The following ARSG variants were observed in gnomAD, a reference collection of about 807,000 sequenced individuals.
The protein encoded by ARSG is arylsulfatase G.
A neutral mutation model predicts 50.5 loss-of-function variants in ARSG; 37 were observed. The ratio of observed to expected loss-of-function variants is 0.73; its 90% CI spans 0.56 to 0.96. The LOEUF (loss-of-function observed/expected upper bound fraction) is 0.96, where lower values mean the gene tolerates loss of function less well. Among genes scored for constraint, ARSG ranks in the 50% least tolerant of loss-of-function variants. The probability of loss-of-function intolerance (pLI) is 0.00; values close to 1 mark genes in which losing one functional copy is unlikely to be tolerated. For synonymous variants in ARSG, 225 were observed against 254.6 expected (o/e 0.88, Z 1.11); for missense variants, 629 against 675.3 (o/e 0.93, Z 0.76).
the ARSG span, among the ~76,000 whole-genome samples, chr17:68,431,685 A>T: frequency 8.7e-5 from 1 of 11,488 alleles, no homozygotes; most frequent in Non-Finnish European, 1.9e-4. Context: ...TGCTAAAGAC[A>T]CGTTCAAGGG....
the ARSG span, among the ~76,000 whole-genome samples, chr17:68,433,775 T>TGTTTTTTTTTTTTTG: frequency 1.6e-5 from 1 of 61,516 alleles, no homozygotes; most frequent in African/African-American, 5.1e-5. Flanking sequence ...TTTTTTTTTT[T>TGTTTTTTTTTTTTTG]TTTTTTTTTT....
At chr17:68,448,652 G>A in the ARSG span, among the ~76,000 whole-genome samples, 1 of 152,154 alleles carries the variant, frequency 6.6e-6, no homozygotes, top group Non-Finnish European at 1.5e-5. Context: ...TACAATAGAC[G>A]CTATTTGAGG....
chr17:68,265,201 G>A (rs2075134226), intron 1 of ARSG, among the ~76,000 whole-genome samples: 1 of 150,344 alleles, frequency 6.7e-6, no homozygotes, highest in African/African-American at 2.4e-5. Context: ...TAACAAATGT[G>A]TTAGCTATAA....
At chr17:68,300,381 TTG>T (rs1167426363) in intron 1 of ARSG, among the ~76,000 whole-genome samples, 16 of 152,222 alleles carry the variant, frequency 1.1e-4, no homozygotes, top group Admixed American at 5.2e-4. Context: ...TTCTCAACTT[TTG>T]TGTGTTTGAC....
At chr17:68,434,698 G>T in the ARSG span, 1 of 1,518,184 alleles carries the variant, frequency 6.6e-7, no homozygotes, top group Non-Finnish European at 9.0e-7. Context: ...TTAGAGAGGA[G>T]TTTGTTTTAT....
At chr17:68,426,103 C>T (rs770776057), downstream of ARSG, 17 of 1,612,630 alleles carry the variant, frequency 1.1e-5, no homozygotes, top group Non-Finnish European at 1.4e-5. Context: ...ATCATCAAGA[C>T]ACACTGGTCC....
chr17:68,353,146 G>A (rs577296119), intron 5 of ARSG, among the ~76,000 whole-genome samples: 1 of 151,882 alleles, frequency 6.6e-6, no homozygotes, highest in African/African-American at 2.4e-5. Context: ...TATTTCTTAG[G>A]TTGGTGCAAA....
At chr17:68,426,254 G>GGGGGCCCCCCCCGC, downstream of ARSG, 1 of 816,924 alleles carries the variant, frequency 1.2e-6, no homozygotes. Context: ...GGGAGCGGGG[G>GGGGGCCCCCCCCGC]CTCAAATAAA....
chr17:68,416,961 T>C (rs1208892736), intron 11 of ARSG, among the ~76,000 whole-genome samples: 1 of 152,260 alleles, frequency 6.6e-6, no homozygotes, highest in Non-Finnish European at 1.5e-5. Context: ...TCCTGAATTC[T>C]TTTTCAGGTT....
chr17:68,343,843 T>G, intron 3 of ARSG, 52 bp downstream of exon 3: 1 of 1,536,298 alleles, frequency 6.5e-7, no homozygotes, highest in Non-Finnish European at 8.8e-7. Context: ...GCAGCCGCCT[T>G]GTGTTTGCAA....
At chr17:68,300,399 C>T (rs556953934) in intron 1 of ARSG, among the ~76,000 whole-genome samples, 1 of 152,228 alleles carries the variant, frequency 6.6e-6, no homozygotes, top group South Asian at 2.1e-4. Flanking sequence ...TTGACAACTT[C>T]CATAATAAAA....
Position 68,382,167 on chromosome 17 carries a change from G to A in ARSG, c.983-2897G>A, listed in dbSNP as rs1286673405. Among the ~76,000 whole-genome samples the A allele has an allele frequency of 3.3e-5, 5 of 152,000 alleles. No individual in the cohort carries two copies. In the South Asian group the frequency reaches 6.2e-4, roughly 19 times the overall value. On this transcript the variant is annotated intron_variant, in intron 8 of 11. Transcript: ENST00000621439. ...GGTTTCACCATGTTAGGCTGGTCTCGAACTCCTGACCTCATGATCTGCCCA... is the reference window on the plus strand; with the variant it reads ...GGTTTCACCATGTTAGGCTGGTCTCAAACTCCTGACCTCATGATCTGCCCA...
chr17:68,430,200 AG>A, the ARSG span: 7 of 1,578,336 alleles, frequency 4.4e-6, no homozygotes, highest in Non-Finnish European at 6.0e-6. Flanking sequence ...ACTGGGCTGC[AG>A]GCCCCACACG....
At chr17:68,335,571 G>T (rs1465211838) in intron 2 of ARSG, among the ~76,000 whole-genome samples, 1 of 144,926 alleles carries the variant, frequency 6.9e-6, no homozygotes, top group Non-Finnish European at 1.5e-5. Flanking sequence ...AAAAAAAAAA[G>T]ATATATGTCA....
chr17:68,433,455 G>C, the ARSG span: 22 of 1,611,226 alleles, frequency 1.4e-5, no homozygotes, highest in Non-Finnish European at 1.8e-5. Flanking sequence ...TTGGTGCCCC[G>C]CGGAGTACTT....
At chr17:68,304,320 T>C (rs1387262285) in intron 1 of ARSG, among the ~76,000 whole-genome samples, 1 of 152,378 alleles carries the variant, frequency 6.6e-6, no homozygotes, top group East Asian at 1.9e-4. Context: ...TTTGGAGTCT[T>C]AAGATCAACA....
chr17:68,369,105 A>G (rs1464099299), intron 7 of ARSG, among the ~76,000 whole-genome samples: 1 of 152,218 alleles, frequency 6.6e-6, no homozygotes. Flanking sequence ...CCTGGTCCCA[A>G]AGATTCTACT....
At chr17:68,385,260 C>A in intron 9 of ARSG, 88 bp downstream of exon 9, 1 of 1,190,876 alleles carries the variant, frequency 8.4e-7, no homozygotes, top group Admixed American at 1.9e-5. Flanking sequence ...GCATGGGTGG[C>A]TAGATGGAGG....
At chr17:68,429,930 T>C in the ARSG span, 1 of 1,604,164 alleles carries the variant, frequency 6.2e-7, no homozygotes, top group Non-Finnish European at 8.5e-7. Context: ...TTGGGGATTT[T>C]TGTGCTTTGG....
Sources: allele counts gnomAD v4.1 joint callset (sites outside exome capture counted in the v4.1 genomes callset), GRCh38; gene constraint gnomAD v4.1.1; transcripts MANE v1.5; gene names NCBI Gene and HGNC (gene_info 2026-07-23, HGNC 2026-07-21).